Variants in LRRC8A observed in about 807,000 individuals in gnomAD.
The protein encoded by LRRC8A is volume-regulated anion channel subunit LRRC8A.
Under a neutral mutation model 52.5 loss-of-function variants are expected in LRRC8A, and 24 were observed. The observed-to-expected ratio is 0.46, with a 90% confidence interval of 0.33 to 0.64. The LOEUF (loss-of-function observed/expected upper bound fraction) is 0.64, where lower values mean the gene tolerates loss of function less well. Among genes scored for constraint, LRRC8A ranks in the 30% least tolerant of loss-of-function variants. The pLI is 0.02. For missense variants in LRRC8A, 677 were observed against 1,094.7 expected (o/e 0.62, Z 5.38); for synonymous variants, 492 against 494.2 (o/e 1.00, Z 0.06).
intron 1 of LRRC8A, among the ~76,000 whole-genome samples, chr9:128,883,717 G>A (rs903527926): frequency 7.9e-5 from 12 of 152,224 alleles, no homozygotes; most frequent in African/African-American, 2.9e-4. Flanking sequence ...GCTCACGCCT[G>A]TAATCCCAGC....
intron 3 of LRRC8A, among the ~76,000 whole-genome samples, chr9:128,915,475 G>C (rs1434621824): frequency 2.0e-5 from 3 of 152,000 alleles, no homozygotes; most frequent in African/African-American, 4.8e-5. Flanking sequence ...CAGGCGCCCG[G>C]CACCATGCCC....
intron 2 of LRRC8A, among the ~76,000 whole-genome samples, chr9:128,904,313 G>A (rs1200823378): frequency 1.3e-5 from 2 of 152,068 alleles, no homozygotes; most frequent in African/African-American, 4.8e-5. Context: ...CAGGTCAGGA[G>A]TTCGAGACCA....
chr9:128,899,149 C>T lies in LRRC8A; in HGVS notation c.-8-8008C>T, dbSNP rs558318829. On this transcript the variant is annotated intron_variant, in intron 2 of 3. Transcript: ENST00000372600. The surrounding 1 kb of genome is among the most constrained non-coding windows in gnomAD (Gnocchi z 4.0). ...TGGCCCATTTTTTACACAACATGGA[C>T]ACATGTTTAACAGGTTTGCTGCTCC... Among the ~76,000 whole-genome samples the T allele has an allele frequency of 6.6e-6, 1 of 152,198 alleles. No individual in the cohort carries two copies. The highest frequency in any genetic ancestry group is 2.4e-5 in the African/African-American group (1 of 41,442).
intron 2 of LRRC8A, among the ~76,000 whole-genome samples, chr9:128,893,031 C>T (rs569331494): frequency 6.6e-6 from 1 of 152,314 alleles, no homozygotes; most frequent in African/African-American, 2.4e-5. Context: ...GGGGGTCTCT[C>T]TCTGGGACAG....
In LRRC8A at chr9:128,908,778, C is replaced by T. The variant is rs781395832; in HGVS notation, c.1614C>T (p.Asp538=). The change falls in exon 3 of 4, where the codon GAC becomes GAT. Residue 538 remains aspartate (D), a synonymous_variant. Coordinates refer to ENST00000372600, the MANE Select transcript of LRRC8A (RefSeq NM_019594.4). ...SAENNRYIVI[D]GLRELKRLKV... is the part of the protein sequence containing the mutation. ...AGAACAACCGCTACATCGTCATCGA[C>T]GGGCTGCGGGAGCTCAAACGCCTCA... 22 of 1,613,402 alleles carry T rather than the reference C, an allele frequency of 1.4e-5. 1 individual carries two copies. The highest frequency in any genetic ancestry group is 9.9e-5 in the South Asian group (9 of 91,084).
chr9:128,899,942 C>T lies in LRRC8A; in HGVS notation c.-8-7215C>T, dbSNP rs73669993. On this transcript the variant is annotated intron_variant, in intron 2 of 3. Transcript: ENST00000372600. The surrounding 1 kb of genome is among the most constrained non-coding windows in gnomAD (Gnocchi z 4.0). ...AAAAAAATTGAGGGGAAAAAATGGA[C>T]CTGGAAACAATGGGGACCTCCTGGC... is the stretch of plus-strand genomic sequence containing the variant. Among the ~76,000 whole-genome samples the T allele has an allele frequency of 0.055, 8,434 of 152,002 alleles. 276 individuals are homozygous for T. Among genetic ancestry groups the T allele is most frequent in the African/African-American group, 0.096 (3,985 of 41,318 alleles).
intron 1 of LRRC8A, among the ~76,000 whole-genome samples, chr9:128,885,571 C>G (rs1317878425): frequency 6.6e-6 from 1 of 152,194 alleles, no homozygotes; most frequent in Non-Finnish European, 1.5e-5. Context: ...TGACTTGGCA[C>G]CTCCTCAGTA....
intron 2 of LRRC8A, among the ~76,000 whole-genome samples, chr9:128,896,907 A>G (rs1839843755): frequency 6.6e-6 from 1 of 151,956 alleles, no homozygotes; most frequent in Non-Finnish European, 1.5e-5. Flanking sequence ...TATTTTTAGT[A>G]GAGATGGGGT....
Position 128,916,518 on chromosome 9 carries a change from A to G in LRRC8A, c.*147A>G. Reference sequence around the variant, plus strand: ...CCTGGGGCCGCTTGTGAGTCAGGCCAGAGCGAGAGGACAGTATCTGTGGGG... The same window carrying G: ...CCTGGGGCCGCTTGTGAGTCAGGCCGGAGCGAGAGGACAGTATCTGTGGGG... On this transcript the variant is annotated 3_prime_UTR_variant, in exon 4 of 4. Coordinates refer to ENST00000372600, the MANE Select transcript of LRRC8A (RefSeq NM_019594.4). The surrounding 1 kb of genome is among the most constrained non-coding windows in gnomAD (Gnocchi z 6.1). 2.0e-6 allele frequency: 2 copies of G among 989,142 alleles called. No individual in the cohort carries two copies. The highest frequency in any genetic ancestry group is 2.9e-6 in the Non-Finnish European group (2 of 691,282). 61.3% of individuals were successfully genotyped at this position (989,142 alleles called of 1,614,324 possible).
chr9:128,889,855 T>G (rs960822911), intron 2 of LRRC8A, among the ~76,000 whole-genome samples: 1 of 151,718 alleles, frequency 6.6e-6, no homozygotes, highest in Non-Finnish European at 1.5e-5. Context: ...CAGACTGGAG[T>G]GCAATGGTGC....
At chr9:128,891,577 C>G (rs537739109) in intron 2 of LRRC8A, among the ~76,000 whole-genome samples, 2 of 152,276 alleles carry the variant, frequency 1.3e-5, no homozygotes, top group African/African-American at 4.8e-5. Context: ...AATAAAACGG[C>G]CTGCCTTCTA....
rs575827855 is a variant in LRRC8A at position 128,892,630 on chromosome 9, C to T, written c.-9+6509C>T. ...GTGTGGGGGCCTCCAGGGCAGTGTCCGCCCTGGGGAGGGTGGAGGCTGTGT... is the reference window on the plus strand; with the variant it reads ...GTGTGGGGGCCTCCAGGGCAGTGTCTGCCCTGGGGAGGGTGGAGGCTGTGT... On this transcript the variant is annotated intron_variant, in intron 2 of 3. Coordinates refer to ENST00000372600, the MANE Select transcript of LRRC8A (RefSeq NM_019594.4). This position sits in a 1 kb window ranked among gnomAD's most constrained non-coding sequence, Gnocchi z 5.2. 1.8e-4 allele frequency among the ~76,000 whole-genome samples: 27 copies of T among 152,296 alleles called. No individual in the cohort carries two copies. Among genetic ancestry groups the T allele is most frequent in the Admixed American group, 1.2e-3 (19 of 15,298 alleles).
In LRRC8A at chr9:128,909,212, A is replaced by G. The variant is rs758721043; in HGVS notation, c.2048A>G (p.Tyr683Cys). The G allele has an allele frequency of 6.2e-6, 10 of 1,614,180 alleles. No homozygotes were observed. Among genetic ancestry groups the G allele is most frequent in the Non-Finnish European group, 8.5e-6 (10 of 1,180,040 alleles). Residue 683 changes from tyrosine to cysteine, a missense_variant, in exon 3 of 4, where the codon TAC (tyrosine) becomes TGC (cysteine). Coordinates refer to ENST00000372600, the MANE Select transcript of LRRC8A (RefSeq NM_019594.4). The part of the protein sequence containing the change: ...KIEKIPTQLF[Y>C]CRKLRYLDLS... ...GAGAAGATCCCCACCCAGCTCTTCT[A>G]CTGCCGCAAGCTGCGCTACCTGGAC... is the stretch of plus-strand genomic sequence containing the variant.
rs1381178956 is a variant in LRRC8A at position 128,917,660 on chromosome 9, C to G, written c.*1289C>G. On this transcript the variant is annotated 3_prime_UTR_variant, in exon 4 of 4. Transcript: ENST00000372600. ...GAAGAGCAGACACTTAGAGGCTGGT[C>G]GGGAATGGGGAGGTCGCCCCTGGGA... is the stretch of plus-strand genomic sequence containing the variant. 2 of 152,796 alleles carry G rather than the reference C, an allele frequency of 1.3e-5. No homozygotes were observed. The highest frequency in any genetic ancestry group is 4.8e-5 in the African/African-American group (2 of 41,458). 9.5% of individuals were successfully genotyped at this position (152,796 alleles called of 1,614,324 possible). A position where few individuals can be genotyped will look rare whatever the true frequency, so the allele number is the denominator to read the frequency against.
chr9:128,888,219 G>A (rs1839472705), intron 2 of LRRC8A, among the ~76,000 whole-genome samples: 1 of 152,200 alleles, frequency 6.6e-6, no homozygotes, highest in African/African-American at 2.4e-5. Context: ...GGAGGCCTGA[G>A]CTGTAGTCTT....
rs1840379685 is a variant in LRRC8A at position 128,908,991 on chromosome 9, C to T, written c.1827C>T (p.Ser609=). The change falls in exon 3 of 4, where the codon TCC becomes TCT. Residue 609 remains serine (S), a synonymous_variant. Transcript: ENST00000372600. ...GTGACCTGGAGCGCATCCCCCACTC[C>T]ATCTTCAGCCTCCACAACCTGCAGG... is the stretch of plus-strand genomic sequence containing the variant. The part of the protein sequence containing the change: ...IRCDLERIPH[S]IFSLHNLQEI... The T allele has an allele frequency of 6.2e-7, 1 of 1,614,172 alleles. No individual in the cohort carries two copies. Among genetic ancestry groups the T allele is most frequent in the Non-Finnish European group, 8.5e-7 (1 of 1,180,030 alleles).
intron 3 of LRRC8A, among the ~76,000 whole-genome samples, chr9:128,914,821 C>A (rs1840735284): frequency 6.6e-6 from 1 of 152,232 alleles, no homozygotes; most frequent in African/African-American, 2.4e-5. Flanking sequence ...CCAGCTGATT[C>A]CTCGCAGCAG....
chr9:128,912,741 G>A (rs1840612656), intron 3 of LRRC8A: 1 of 152,342 alleles, frequency 6.6e-6, no homozygotes, highest in Non-Finnish European at 1.5e-5. Flanking sequence ...GTGAGAGGTG[G>A]GAGGTGGAAG....
chr9:128,890,544 T>G (rs1340010495), intron 2 of LRRC8A, among the ~76,000 whole-genome samples: 1 of 152,090 alleles, frequency 6.6e-6, no homozygotes, highest in Non-Finnish European at 1.5e-5. Context: ...GCGGGAATCC[T>G]GGCCCTGAAG....
Sources: gnomAD v4.1 joint callset for allele counts (sites outside exome capture counted in the v4.1 genomes callset) on GRCh38, gnomAD v4.1.1 for gene constraint, Gnocchi (gnomAD v3.1) non-coding constraint, MANE v1.5 for transcripts, NCBI Gene and HGNC (gene_info 2026-07-23, HGNC 2026-07-21) for gene names.